Variants in PPP6R2 observed in about 807,000 individuals in gnomAD.
PPP6R2 encodes serine/threonine-protein phosphatase 6 regulatory subunit 2.
PPP6R2 carries 62 observed loss-of-function variants against 100.2 expected under a neutral mutation model. The ratio of observed to expected loss-of-function variants is 0.62; its 90% CI spans 0.50 to 0.76. The LOEUF (loss-of-function observed/expected upper bound fraction) is 0.76. Among genes scored for constraint, PPP6R2 ranks in the 30% least tolerant of loss-of-function variants. PPP6R2 has a pLI of 0.00. For synonymous variants in PPP6R2, 525 were observed against 514.7 expected (o/e 1.02, Z -0.27); for missense variants, 1,142 against 1,276.3 (o/e 0.89, Z 1.60).
At chr22:50,379,259 G>T (rs2052352790) in intron 2 of PPP6R2, among the ~76,000 whole-genome samples, 2 of 152,176 alleles carry the variant, frequency 1.3e-5, no homozygotes, top group Non-Finnish European at 2.9e-5. Flanking sequence ...ACTTTGAGAG[G>T]CTAAGAAGGG....
intron 3 of PPP6R2, 99 bp downstream of exon 3, chr22:50,394,234 A>C: frequency 6.7e-7 from 1 of 1,492,526 alleles, no homozygotes; most frequent in Non-Finnish European, 9.0e-7. Flanking sequence ...TTTCTGATGA[A>C]GAAGCGAGCC....
chr22:50,443,763 C>T lies in PPP6R2; in HGVS notation c.2580-103C>T, dbSNP rs1408370072. 4 of 1,449,002 alleles carry T rather than the reference C, an allele frequency of 2.8e-6. No homozygotes were observed. In the East Asian group the frequency reaches 1.0e-4, roughly 36 times the overall value. 89.8% of individuals were successfully genotyped at this position (1,449,002 alleles called of 1,614,324 possible). On this transcript the variant is annotated intron_variant, in intron 22 of 23. Transcript: ENST00000612753. ...AGTGAGAGGGGCCAAAGATGGTGCT[C>T]CCAGGCCGCCTGGACCTTTTTGTCC...
intron 1 of PPP6R2, among the ~76,000 whole-genome samples, chr22:50,350,099 C>CAG (rs2044696280): frequency 6.6e-6 from 1 of 151,936 alleles, no homozygotes; most frequent in Non-Finnish European, 1.5e-5. Context: ...GCCTAGGCAA[C>CAG]AGAGCAAGAC....
chr22:50,437,619 G>T lies in PPP6R2; in HGVS notation c.1781+16G>T. 6.3e-7 allele frequency: 1 copy of T among 1,582,866 alleles called. No individual in the cohort carries two copies. The highest frequency in any genetic ancestry group is 1.1e-5 in the South Asian group (1 of 90,406). On this transcript the variant is annotated intron_variant, in intron 16 of 23. Coordinates refer to ENST00000612753, the MANE Select transcript of PPP6R2 (RefSeq NM_001242898.2). ...ACAACATCAAGTGAGTCTACTTGGA[G>T]CGCACTCTGCACGAGGCGCGGCTCT...
chr22:50,331,628 C>CT, the PPP6R2 span, among the ~76,000 whole-genome samples: 4 of 151,456 alleles, frequency 2.6e-5, no homozygotes, highest in Non-Finnish European at 4.4e-5. Flanking sequence ...TTTTTAACTT[C>CT]TTTTTTTGAG....
At chr22:50,368,301 A>G (rs536315602) in intron 1 of PPP6R2, among the ~76,000 whole-genome samples, 1 of 152,220 alleles carries the variant, frequency 6.6e-6, no homozygotes, top group African/African-American at 2.4e-5. Flanking sequence ...AAAGGGAGAC[A>G]GACTCCCTTT....
Position 50,444,026 on chromosome 22 carries a change from G to A in PPP6R2, c.2740G>A (p.Ala914Thr). The A allele has an allele frequency of 6.2e-7, 1 of 1,613,510 alleles. No homozygotes were observed. The highest frequency in any genetic ancestry group is 8.5e-7 in the Non-Finnish European group (1 of 1,179,970). The change falls in exon 23 of 24, where the codon GCA (alanine) becomes ACA (threonine). Residue 914 changes from alanine (A) to threonine (T), a missense_variant. Around this residue, in one of 2 missense-constraint regions of PPP6R2, gnomAD observed 550 missense variants for 517.4 expected, o/e 1.06. Transcript: ENST00000612753. ...CATACCCACCCCAGCAGTCTCTTCT[G>A]CACTGGCCGTGGCGGTCCCCCTAGG... is the stretch of plus-strand genomic sequence containing the variant. ...PAIPTPAVSS[A>T]LAVAVPLGPI...
At chr22:50,398,732 C>A (rs146141920) in intron 3 of PPP6R2, among the ~76,000 whole-genome samples, 2,873 of 151,984 alleles carry the variant, frequency 0.019, 93 homozygotes, top group African/African-American at 0.065. Context: ...CCAGGCTGGT[C>A]TTGAACTCTT....
At chr22:50,358,164 C>T (rs2148270953) in intron 1 of PPP6R2, among the ~76,000 whole-genome samples, 1 of 152,078 alleles carries the variant, frequency 6.6e-6, no homozygotes, top group Non-Finnish European at 1.5e-5. Flanking sequence ...CTGCGTAGCC[C>T]AGGGTGTTCT....
chr22:50,436,295 C>G (rs564188029), intron 13 of PPP6R2, 72 bp from the exon 14 acceptor site: 2 of 1,391,936 alleles, frequency 1.4e-6, no homozygotes, highest in Non-Finnish European at 9.9e-7. Context: ...ATGCACCTGC[C>G]GGAGCCCCCG....
chr22:50,401,307 C>A (rs573177114), intron 3 of PPP6R2, among the ~76,000 whole-genome samples: 2 of 149,488 alleles, frequency 1.3e-5, no homozygotes, highest in Non-Finnish European at 3.0e-5. Flanking sequence ...TCCGGGTTCA[C>A]GCCATTCTCC....
chr22:50,440,116 C>T (rs578133784), intron 21 of PPP6R2, 67 bp downstream of exon 21: 3 of 1,436,380 alleles, frequency 2.1e-6, no homozygotes, highest in Admixed American at 1.9e-5. Flanking sequence ...AGCTGGCCCC[C>T]CTCCTTGGGG....
In PPP6R2 at chr22:50,433,329, G is replaced by A. The variant is rs569950468; in HGVS notation, c.1400+1000G>A. ...TGGGCAGGGGCCGGGCACTTGCCCTGGAGGTGAACCTGGAGGAGGGCTGGG... is the reference window on the plus strand; with the variant it reads ...TGGGCAGGGGCCGGGCACTTGCCCTAGAGGTGAACCTGGAGGAGGGCTGGG... On this transcript the variant is annotated intron_variant, in intron 12 of 23. Coordinates refer to ENST00000612753, the MANE Select transcript of PPP6R2 (RefSeq NM_001242898.2). Among the ~76,000 whole-genome samples, 184 of 104,400 alleles carry A rather than the reference G, an allele frequency of 1.8e-3. 9 individuals carry two copies. Among genetic ancestry groups the A allele is most frequent in the African/African-American group, 5.7e-3 (169 of 29,670 alleles). 68.5% of individuals were successfully genotyped at this position (104,400 alleles called of 152,430 possible). A position where few individuals can be genotyped will look rare whatever the true frequency, so the allele number is the denominator to read the frequency against.
At chr22:50,436,836 C>T (rs2064392650) in intron 14 of PPP6R2, among the ~76,000 whole-genome samples, 152 bp from the exon 15 acceptor site, 1 of 152,218 alleles carries the variant, frequency 6.6e-6, no homozygotes, top group South Asian at 2.1e-4. Context: ...CCTCCTTACA[C>T]AGCACGGCCT....
At chr22:50,352,994 G>A (rs572486675) in intron 1 of PPP6R2, among the ~76,000 whole-genome samples, 3 of 152,296 alleles carry the variant, frequency 2.0e-5, no homozygotes, top group South Asian at 4.2e-4. Context: ...AATCTGGGAC[G>A]TCAGAGCTGC....
At chr22:50,342,952 G>A (rs573232304), upstream of PPP6R2, among the ~76,000 whole-genome samples, 76 of 152,328 alleles carry the variant, frequency 5.0e-4, no homozygotes, top group African/African-American at 1.8e-3. Context: ...AGGCCCGGGA[G>A]AACAGGCCCT....
intron 1 of PPP6R2, among the ~76,000 whole-genome samples, chr22:50,370,943 A>T (rs901298993): frequency 4.1e-4 from 63 of 152,318 alleles, no homozygotes; most frequent in African/African-American, 1.5e-3. Context: ...CAAATGTAGG[A>T]CCTATTTCTA....
At chr22:50,399,942 T>G (rs1268868594) in intron 3 of PPP6R2, among the ~76,000 whole-genome samples, 2 of 152,266 alleles carry the variant, frequency 1.3e-5, no homozygotes. Flanking sequence ...TTGTCTAGTT[T>G]GCTTGCCAAG....
At chr22:50,438,054 C>T in intron 17 of PPP6R2, 120 bp from the exon 18 acceptor site, 3 of 1,504,558 alleles carry the variant, frequency 2.0e-6, no homozygotes, top group African/African-American at 1.4e-5. Context: ...CCTCCCCGTC[C>T]TCCCCTCCAG....
Sources: allele counts gnomAD v4.1 joint callset (sites outside exome capture counted in the v4.1 genomes callset), GRCh38; gene constraint gnomAD v4.1.1; regional missense constraint gnomAD v4.1.1; transcripts MANE v1.5; gene names NCBI Gene and HGNC (gene_info 2026-07-23, HGNC 2026-07-21).